IP6K1: variants seen among roughly 807,000 people sequenced by gnomAD.
IP6K1 encodes the protein ATP:1D-myo-inositol-hexakisphosphate phosphotransferase.
IP6K1 carries 13 observed loss-of-function variants against 38.3 expected under a neutral mutation model. The ratio of observed to expected loss-of-function variants is 0.34; its 90% CI spans 0.22 to 0.54. IP6K1 has a LOEUF of 0.54. IP6K1 is among the 20% of genes least tolerant of loss of function. The probability of loss-of-function intolerance (pLI) is 0.92; values close to 1 mark genes in which losing one functional copy is unlikely to be tolerated. For synonymous variants in IP6K1, 212 were observed against 229.9 expected (o/e 0.92, Z 0.70); for missense variants, 397 against 599.8 (o/e 0.66, Z 3.53).
At chr3:49,775,504 G>T in intron 1 of IP6K1, 1 of 811,872 alleles carries the variant, frequency 1.2e-6, no homozygotes, top group Admixed American at 2.2e-5. Context: ...TGTAAGGAGT[G>T]CACCATCTAG....
Position 49,770,977 on chromosome 3 carries a change from G to A in IP6K1, c.-129+15377C>T, listed in dbSNP as rs78089220. Among the ~76,000 whole-genome samples, 734 of 151,710 alleles carry A rather than the reference G, an allele frequency of 4.8e-3. 8 individuals are homozygous for A. Among genetic ancestry groups the A allele is most frequent in the African/African-American group, 0.017 (692 of 41,328 alleles). On this transcript the variant is annotated intron_variant, in intron 1 of 5. Coordinates refer to ENST00000321599, the MANE Select transcript of IP6K1 (RefSeq NM_153273.4). ...AAATTTTTAAAAAGAAAATAAGCTG[G>A]GCATGGTAGTATGCACATGTAGTCC...
chr3:49,784,009 ATTATTTAT>A (rs985294199), intron 1 of IP6K1, among the ~76,000 whole-genome samples: 2 of 151,612 alleles, frequency 1.3e-5, no homozygotes, highest in Non-Finnish European at 2.9e-5. Context: ...TATTTTATTT[ATTATTTAT>A]TTATTTATTT....
chr3:49,769,427 A>T (rs924457162), intron 1 of IP6K1, among the ~76,000 whole-genome samples: 1 of 152,348 alleles, frequency 6.6e-6, no homozygotes, highest in Middle Eastern at 3.4e-3. Flanking sequence ...AATGGAACAG[A>T]ACACAGATTT....
chr3:49,767,474 G>C (rs748567025), intron 1 of IP6K1, among the ~76,000 whole-genome samples: 2 of 152,002 alleles, frequency 1.3e-5, no homozygotes, highest in Non-Finnish European at 2.9e-5. Flanking sequence ...CAGGTACTCG[G>C]GGGGCTAAAA....
At chr3:49,748,657 G>A (rs2080744916) in intron 1 of IP6K1, among the ~76,000 whole-genome samples, 1 of 152,150 alleles carries the variant, frequency 6.6e-6, no homozygotes. Flanking sequence ...CTCCACTGAA[G>A]GTGCCAAGGA....
intron 4 of IP6K1, among the ~76,000 whole-genome samples, chr3:49,731,723 G>T (rs995266067): frequency 6.6e-5 from 10 of 151,866 alleles, no homozygotes; most frequent in Non-Finnish European, 1.5e-4. Flanking sequence ...ACTAACAATT[G>T]TAAGAATTCC....
intron 3 of IP6K1, among the ~76,000 whole-genome samples, chr3:49,735,750 C>CTG (rs1046993084): frequency 2.6e-5 from 4 of 152,162 alleles, no homozygotes; most frequent in Non-Finnish European, 5.9e-5. Flanking sequence ...GTTCACCAAA[C>CTG]TGAGTGAGGA....
At chr3:49,756,550 G>C (rs1418072610) in intron 1 of IP6K1, among the ~76,000 whole-genome samples, 2 of 152,146 alleles carry the variant, frequency 1.3e-5, no homozygotes, top group African/African-American at 4.8e-5. Flanking sequence ...GGGCGCAGTG[G>C]CTCATGCCTG....
At chr3:49,739,700 T>C (rs376831523) in intron 2 of IP6K1, among the ~76,000 whole-genome samples, 72 of 151,692 alleles carry the variant, frequency 4.7e-4, no homozygotes, top group East Asian at 2.3e-3. Flanking sequence ...CAGGGTCCCA[T>C]TGGAGTGCAG....
chr3:49,753,522 A>T (rs370235021), intron 1 of IP6K1, among the ~76,000 whole-genome samples: 15 of 152,142 alleles, frequency 9.9e-5, no homozygotes, highest in East Asian at 7.7e-4. Flanking sequence ...ATTATTTATG[A>T]TGATGATGTC....
intron 1 of IP6K1, among the ~76,000 whole-genome samples, chr3:49,753,663 CAT>C (rs2080797914): frequency 6.6e-6 from 1 of 151,954 alleles, no homozygotes; most frequent in Non-Finnish European, 1.5e-5. Context: ...AAATATATAA[CAT>C]ATGAAAAAGT....
At chr3:49,770,506 T>C (rs2080947723) in intron 1 of IP6K1, among the ~76,000 whole-genome samples, 1 of 151,852 alleles carries the variant, frequency 6.6e-6, no homozygotes, top group African/African-American at 2.4e-5. Flanking sequence ...GAGGCCAAGG[T>C]GTGCAGAGCT....
In IP6K1 at chr3:49,774,018, C is replaced by A. The variant is rs961448509; in HGVS notation, c.-129+12336G>T. 1.4e-4 allele frequency among the ~76,000 whole-genome samples: 14 copies of A among 102,998 alleles called. 1 individual carries two copies. Among genetic ancestry groups the A allele is most frequent in the South Asian group, 5.1e-4 (2 of 3,940 alleles). 67.6% of individuals were successfully genotyped at this position (102,998 alleles called of 152,430 possible). A position where few individuals can be genotyped will look rare whatever the true frequency, so the allele number is the denominator to read the frequency against. ...ACACACACACACACACACACACACA[C>A]AACACACACATAAAACCAGAATACT... On this transcript the variant is annotated intron_variant, in intron 1 of 5. Transcript: ENST00000321599.
At chr3:49,783,456 T>C (rs1198595616) in intron 1 of IP6K1, among the ~76,000 whole-genome samples, 1 of 151,724 alleles carries the variant, frequency 6.6e-6, no homozygotes, top group African/African-American at 2.4e-5. Context: ...CTCTCGCCTG[T>C]AATCCCAGCA....
intron 1 of IP6K1, among the ~76,000 whole-genome samples, chr3:49,777,815 G>T (rs952354943): frequency 5.3e-5 from 8 of 151,280 alleles, no homozygotes; most frequent in Admixed American, 5.3e-4. Flanking sequence ...CTCGGGAGGC[G>T]AAGGCAGGAG....
intron 1 of IP6K1, among the ~76,000 whole-genome samples, chr3:49,772,408 C>G (rs9870755): frequency 6.7e-6 from 1 of 149,970 alleles, no homozygotes; most frequent in Non-Finnish European, 1.5e-5. Flanking sequence ...TATTCTAGAG[C>G]GTTCTCTTTT....
intron 2 of IP6K1, among the ~76,000 whole-genome samples, chr3:49,741,445 T>C (rs2080668403): frequency 6.6e-6 from 1 of 152,262 alleles, no homozygotes. Context: ...CTACTGGCCA[T>C]CTGTATGTCC....
Position 49,726,996 on chromosome 3 carries a change from T to C in IP6K1, c.*126A>G. The C allele has an allele frequency of 9.9e-7, 1 of 1,010,088 alleles. No individual in the cohort carries two copies. Among genetic ancestry groups the C allele is most frequent in the Non-Finnish European group, 1.5e-6 (1 of 684,850 alleles). 62.6% of individuals were successfully genotyped at this position (1,010,088 alleles called of 1,614,324 possible). A position where few individuals can be genotyped will look rare whatever the true frequency, so the allele number is the denominator to read the frequency against. On this transcript the variant is annotated 3_prime_UTR_variant, in exon 6 of 6. Transcript: ENST00000321599. ...TCCAGGCTACAGCTAAAAACATTTC[T>C]TTTAGTTTACACCAAAGAGAAATAT...
At chr3:49,757,888 TATTATTAAA>T (rs1389430641) in intron 1 of IP6K1, among the ~76,000 whole-genome samples, 1 of 152,168 alleles carries the variant, frequency 6.6e-6, no homozygotes, top group Non-Finnish European at 1.5e-5. Context: ...ACATGTGTCC[TATTATTAAA>T]AAAGGGAAAA....
Sources: gnomAD v4.1 joint callset for allele counts (sites outside exome capture counted in the v4.1 genomes callset) on GRCh38, gnomAD v4.1.1 for gene constraint, MANE v1.5 for transcripts, NCBI Gene and HGNC (gene_info 2026-07-23, HGNC 2026-07-21) for gene names.